Variants in STAU2 observed in about 807,000 individuals in gnomAD.
STAU2 encodes staufen double-stranded RNA binding protein 2, also known as double-stranded RNA-binding protein Staufen homolog 2.
Under a neutral mutation model 65.9 loss-of-function variants are expected in STAU2, and 20 were observed. That is an observed-to-expected ratio of 0.30 (90% CI 0.21 to 0.44). The LOEUF (loss-of-function observed/expected upper bound fraction) is 0.44. STAU2 is among the 20% of genes least tolerant of loss of function. STAU2 has a pLI of 1.00. For synonymous variants in STAU2, 232 were observed against 233.9 expected, an observed-to-expected ratio of 0.99 and a Z score of 0.07; for missense variants, 558 against 683.9, an observed-to-expected ratio of 0.82 and a Z score of 2.05.
intron 9 of STAU2, among the ~76,000 whole-genome samples, chr8:73,610,758 G>T (rs1470405330): frequency 1.3e-5 from 2 of 152,126 alleles, no homozygotes; most frequent in African/African-American, 4.8e-5. Flanking sequence ...GTCTTATAGA[G>T]GAGAATTACA....
chr8:73,716,831 C>T (rs1009993880), intron 3 of STAU2, among the ~76,000 whole-genome samples: 1 of 151,982 alleles, frequency 6.6e-6, no homozygotes, highest in Admixed American at 6.6e-5. Flanking sequence ...AGGCCAGGCG[C>T]GGTGGCTCAC....
At chr8:73,703,029 A>G (rs1190994049) in intron 4 of STAU2, among the ~76,000 whole-genome samples, 1 of 152,196 alleles carries the variant, frequency 6.6e-6, no homozygotes. Flanking sequence ...CATTCCTGAC[A>G]CTCTTATTAC....
At chr8:73,529,645 T>C (rs920423437) in intron 13 of STAU2, among the ~76,000 whole-genome samples, 3 of 152,232 alleles carry the variant, frequency 2.0e-5, no homozygotes, top group East Asian at 3.8e-4. Context: ...ATGAGACATA[T>C]AATTTTTCTC....
At chr8:73,608,632 GAAAA>G (rs1355462015) in intron 9 of STAU2, among the ~76,000 whole-genome samples, 1 of 145,064 alleles carries the variant, frequency 6.9e-6, no homozygotes, top group African/African-American at 2.5e-5. Context: ...AAAAGAAAAA[GAAAA>G]AAAAGAAATA....
chr8:73,668,505 T>C (rs150751224), intron 6 of STAU2, among the ~76,000 whole-genome samples: 252 of 152,320 alleles, frequency 1.7e-3, no homozygotes, highest in African/African-American at 5.8e-3. Flanking sequence ...TATACAAAAT[T>C]GAAAAACTGT....
At chr8:73,641,219 T>G (rs1814940455) in intron 6 of STAU2, among the ~76,000 whole-genome samples, 1 of 152,088 alleles carries the variant, frequency 6.6e-6, no homozygotes, top group African/African-American at 2.4e-5. Context: ...ATAGTGGCCC[T>G]TGGACCACCT....
At chr8:73,608,701 G>C (rs1486013635) in intron 9 of STAU2, among the ~76,000 whole-genome samples, 1 of 151,678 alleles carries the variant, frequency 6.6e-6, no homozygotes, top group Non-Finnish European at 1.5e-5. Context: ...GGGTAAGAGA[G>C]AAGTTAAACG....
chr8:73,431,923 T>C (rs1324991276), intron 13 of STAU2, among the ~76,000 whole-genome samples: 2 of 152,270 alleles, frequency 1.3e-5, no homozygotes, highest in African/African-American at 4.8e-5. Flanking sequence ...GGCCATTCTC[T>C]GAGAGATAAT....
intron 13 of STAU2, among the ~76,000 whole-genome samples, chr8:73,433,761 C>G (rs1938573481): frequency 1.3e-5 from 2 of 151,924 alleles, no homozygotes; most frequent in South Asian, 2.1e-4. Flanking sequence ...CCCCAGCCGC[C>G]CAAAGTGTTG....
At chr8:73,469,821 C>T (rs1353504388) in intron 13 of STAU2, among the ~76,000 whole-genome samples, 4 of 152,170 alleles carry the variant, frequency 2.6e-5, no homozygotes, top group African/African-American at 9.7e-5. Flanking sequence ...TGACAAACAA[C>T]ACTGTGACCC....
chr8:73,632,426 G>A (rs915852029), intron 6 of STAU2, among the ~76,000 whole-genome samples: 4 of 152,148 alleles, frequency 2.6e-5, no homozygotes, highest in Admixed American at 2.6e-4. Context: ...GAAAATCTGA[G>A]ACCCACATGG....
intron 11 of STAU2, among the ~76,000 whole-genome samples, chr8:73,587,613 G>A (rs1384625369): frequency 1.3e-5 from 2 of 152,234 alleles, no homozygotes; most frequent in Non-Finnish European, 2.9e-5. Context: ...GTAGAAAAGT[G>A]TATGTGTGGA....
At chr8:73,745,042 T>C (rs1335799511) in intron 1 of STAU2, among the ~76,000 whole-genome samples, 1 of 152,248 alleles carries the variant, frequency 6.6e-6, no homozygotes, top group Non-Finnish European at 1.5e-5. Flanking sequence ...TGAGCAAGTA[T>C]GTACCATATC....
chr8:73,739,090 A>G (rs2130780318), intron 2 of STAU2, among the ~76,000 whole-genome samples: 2 of 152,128 alleles, frequency 1.3e-5, no homozygotes, highest in South Asian at 4.1e-4. Flanking sequence ...AAAATTAGCC[A>G]GGCATGGTGG....
chr8:73,441,084 C>G (rs1363515642), intron 13 of STAU2: 1 of 152,284 alleles, frequency 6.6e-6, no homozygotes, highest in African/African-American at 2.4e-5. Flanking sequence ...CCTTGTGACC[C>G]CTGGATCTAA....
intron 13 of STAU2, chr8:73,550,301 G>C: frequency 1.0e-6 from 1 of 983,562 alleles, no homozygotes; most frequent in Non-Finnish European, 1.2e-6. Flanking sequence ...GAGGGAAGCA[G>C]ACTCTACATG....
chr8:73,726,075 T>C (rs765109379), intron 3 of STAU2, among the ~76,000 whole-genome samples: 1 of 152,110 alleles, frequency 6.6e-6, no homozygotes, highest in African/African-American at 2.4e-5. Context: ...AGGTTTATAG[T>C]TTCTACTAAA....
chr8:73,532,467 C>T (rs971802435), intron 13 of STAU2, among the ~76,000 whole-genome samples: 1 of 151,962 alleles, frequency 6.6e-6, no homozygotes, highest in Non-Finnish European at 1.5e-5. Context: ...AGGGGAGGAT[C>T]CCTTGAGCCT....
rs145674053 is a variant in STAU2 at position 73,594,659 on chromosome 8, T to C, written c.1161+507A>G. On this transcript the variant is annotated intron_variant, in intron 11 of 14. Transcript: ENST00000524300. Reference sequence around the variant, plus strand: ...ATGTCATTAACTGTTGCAGAAAAAATAGGGGACCATGAACACAGGTCTTGG... The same window carrying C: ...ATGTCATTAACTGTTGCAGAAAAAACAGGGGACCATGAACACAGGTCTTGG... 2.6e-5 allele frequency among the ~76,000 whole-genome samples: 4 copies of C among 152,228 alleles called. No individual in the cohort carries two copies. In the East Asian group the frequency reaches 5.8e-4, roughly 22 times the overall value.
Sources: allele counts gnomAD v4.1 joint callset (sites outside exome capture counted in the v4.1 genomes callset), GRCh38; gene constraint gnomAD v4.1.1; transcripts MANE v1.5; gene names NCBI Gene and HGNC (gene_info 2026-07-23, HGNC 2026-07-21).